ZNHIT6: variants seen among roughly 807,000 people sequenced by gnomAD.
ZNHIT6 encodes box C/D snoRNA protein 1.
In ZNHIT6, 45 loss-of-function variants were observed where a neutral mutation model predicts 57.2. The observed-to-expected ratio is 0.79, with a 90% CI of 0.62 to 1.01. The LOEUF is 1.01. ZNHIT6 is among the 50% of genes least tolerant of loss of function. ZNHIT6 has a pLI of 0.00. For synonymous variants in ZNHIT6, 188 were observed against 190.0 expected (o/e 0.99, Z 0.09); for missense variants, 528 against 567.3 (o/e 0.93, Z 0.70).
At chr1:85,702,679 T>C (rs1160482001) in intron 4 of ZNHIT6, among the ~76,000 whole-genome samples, 2 of 152,188 alleles carry the variant, frequency 1.3e-5, no homozygotes, top group Admixed American at 6.5e-5. Flanking sequence ...GTTAGCTGTA[T>C]ATATATATCA....
chr1:85,667,202 G>A (rs1475204799), intron 8 of ZNHIT6, among the ~76,000 whole-genome samples: 4 of 152,042 alleles, frequency 2.6e-5, no homozygotes, highest in Non-Finnish European at 5.9e-5. Context: ...AGCTGTAGAC[G>A]GGCTATCCAT....
intron 8 of ZNHIT6, among the ~76,000 whole-genome samples, chr1:85,669,058 G>T (rs190596390): frequency 6.6e-6 from 1 of 152,164 alleles, no homozygotes; most frequent in Admixed American, 6.5e-5. Flanking sequence ...AGAGTGGTTT[G>T]GAAATCAACA....
chr1:85,704,001 T>A (rs952324107), intron 4 of ZNHIT6, among the ~76,000 whole-genome samples: 1 of 152,142 alleles, frequency 6.6e-6, no homozygotes, highest in African/African-American at 2.4e-5. Context: ...GAAATCCAAA[T>A]GGCCAATAAA....
At chr1:85,678,260 C>T (rs1295826489) in intron 7 of ZNHIT6, among the ~76,000 whole-genome samples, 1 of 152,062 alleles carries the variant, frequency 6.6e-6, no homozygotes, top group African/African-American at 2.4e-5. Flanking sequence ...CTTTAAGTTA[C>T]TTGGAAACTT....
At chr1:85,661,328 G>A (rs1458087202) in intron 8 of ZNHIT6, among the ~76,000 whole-genome samples, 1 of 152,188 alleles carries the variant, frequency 6.6e-6, no homozygotes, top group African/African-American at 2.4e-5. Context: ...CAGTTTCCAT[G>A]CTTGAAAATG....
At chr1:85,686,535 C>CT (rs147751004) in intron 5 of ZNHIT6, among the ~76,000 whole-genome samples, 2 of 148,694 alleles carry the variant, frequency 1.3e-5, no homozygotes, top group Admixed American at 6.7e-5. Context: ...TATTTCTGTT[C>CT]TTTTTTTTTT....
chr1:85,676,072 C>G (rs1570303704), intron 8 of ZNHIT6, among the ~76,000 whole-genome samples: 1 of 152,192 alleles, frequency 6.6e-6, no homozygotes, highest in African/African-American at 2.4e-5. Context: ...CGCGGTGGCT[C>G]ACGCCTGTAA....
rs1660919365 is a variant in ZNHIT6, at chr1:85,651,828, A to G, written c.*2230T>C. 1 of 152,210 alleles carries G rather than the reference A, an allele frequency of 6.6e-6. No homozygotes were observed. The allele number at this position is 152,210 out of a possible 1,614,324, so 9.4% of individuals were successfully genotyped here. On this transcript the variant is annotated 3_prime_UTR_variant, in exon 10 of 10. Coordinates refer to ENST00000370574, the MANE Select transcript of ZNHIT6 (RefSeq NM_017953.4). Reference sequence around the variant, plus strand: ...GATATTGGGTCTCAATGCTACAAACATCTAGGGTTTTCAGTTAGTTATTCC... The same window carrying G: ...GATATTGGGTCTCAATGCTACAAACGTCTAGGGTTTTCAGTTAGTTATTCC...
At position 85,702,243 on chromosome 1, in the gene ZNHIT6, AT is replaced by A; in HGVS notation, c.932del (p.Asn311IlefsTer10). 6.2e-7 allele frequency: 1 copy of A among 1,603,236 alleles called. No individual in the cohort carries two copies. Among genetic ancestry groups the A allele is most frequent in the Admixed American group, 1.7e-5 (1 of 57,646 alleles). ...AGTTAATACCTTGCCTCCGGGCACG[AT>A]TTTTCATAAAGTACATCTAACAACA... ...ISNKYMYFMKNRARRQGINLK... is the reference protein window; with the variant it reads ...ISNKYMYFMKXRARRQGINLK... On this transcript the variant is annotated frameshift_variant, in exon 5 of 10. Transcript: ENST00000370574. LOFTEE classifies it high-confidence loss of function.
chr1:85,690,975 G>A (rs933831837), intron 5 of ZNHIT6, among the ~76,000 whole-genome samples: 3 of 152,096 alleles, frequency 2.0e-5, no homozygotes, highest in Non-Finnish European at 4.4e-5. Context: ...GCAGTGAGCC[G>A]AGATCGTGCC....
rs1557861008 is a variant in ZNHIT6 at position 85,687,295 on chromosome 1, AAAAC to A, written c.1020-6395_1020-6392del. On this transcript the variant is annotated intron_variant, in intron 5 of 9. Coordinates refer to ENST00000370574, the MANE Select transcript of ZNHIT6 (RefSeq NM_017953.4). ...GAAGACTATCTCAAAAAACAAAAAAAAAACAAAAAAAAAAAACAATTTAGAACCC... is the reference window on the plus strand; with the variant it reads ...GAAGACTATCTCAAAAAACAAAAAAAAAAAAAAAAAAACAATTTAGAACCC... Among the ~76,000 whole-genome samples, 67 of 133,020 alleles carry A rather than the reference AAAAC, an allele frequency of 5.0e-4. 9 individuals carry two copies. The highest frequency in any genetic ancestry group is 1.3e-3 in the African/African-American group (47 of 36,040). The allele number at this position is 133,020 out of a possible 152,430, so 87.3% of individuals were successfully genotyped here.
chr1:85,656,361 A>C (rs1661060882), intron 9 of ZNHIT6, among the ~76,000 whole-genome samples: 2 of 152,154 alleles, frequency 1.3e-5, no homozygotes, highest in South Asian at 4.1e-4. Flanking sequence ...TCATATATCC[A>C]CCAGAAAAAT....
chr1:85,678,576 C>A, intron 7 of ZNHIT6, 125 bp downstream of exon 7: 1 of 648,082 alleles, frequency 1.5e-6, no homozygotes, highest in South Asian at 2.0e-5. Context: ...CTTCAGTAAA[C>A]ACCAAGAAAA....
chr1:85,651,842 GTTAGTTATTCC>G lies in ZNHIT6; in HGVS notation c.*2205_*2215del, dbSNP rs2100637814. 1 of 152,260 alleles carries G rather than the reference GTTAGTTATTCC, an allele frequency of 6.6e-6. No individual in the cohort carries two copies. Among genetic ancestry groups the G allele is most frequent in the Admixed American group, 6.5e-5 (1 of 15,296 alleles). 9.4% of individuals were successfully genotyped at this position (152,260 alleles called of 1,614,324 possible). A position where few individuals can be genotyped will look rare whatever the true frequency, so the allele number is the denominator to read the frequency against. ...ATGCTACAAACATCTAGGGTTTTCA[GTTAGTTATTCC>G]AATTTCATTCTCTCCAAGCCATTGG... On this transcript the variant is annotated 3_prime_UTR_variant, in exon 10 of 10. Transcript: ENST00000370574.
intron 6 of ZNHIT6, among the ~76,000 whole-genome samples, chr1:85,680,301 A>G (rs144356430): frequency 3.3e-5 from 5 of 152,250 alleles, no homozygotes; most frequent in African/African-American, 4.8e-5. Context: ...ATGAGTACAC[A>G]TATATACTTC....
intron 5 of ZNHIT6, among the ~76,000 whole-genome samples, chr1:85,683,208 C>T (rs907576090): frequency 6.6e-6 from 1 of 151,416 alleles, no homozygotes; most frequent in African/African-American, 2.4e-5. Flanking sequence ...ACAATGAGAC[C>T]CTGTTTCAAA....
chr1:85,708,187 A>T lies in ZNHIT6; in HGVS notation c.98T>A (p.Val33Glu). Residue 33 changes from valine (V) to glutamate (E), a missense_variant, in exon 1 of 10, where the codon GTA (valine) becomes GAA (glutamate). Coordinates refer to ENST00000370574, the MANE Select transcript of ZNHIT6 (RefSeq NM_017953.4). ...RLSPEPGREG[V>E]RDLAGAEEFG... ...CTCCTCCGCCCCTGCTAAGTCCCTTACTCCCTCCCTGCCAGGCTCTGGACT... is the reference window on the plus strand; with the variant it reads ...CTCCTCCGCCCCTGCTAAGTCCCTTTCTCCCTCCCTGCCAGGCTCTGGACT... The T allele has an allele frequency of 6.2e-7, 1 of 1,612,698 alleles. No individual in the cohort carries two copies. The highest frequency in any genetic ancestry group is 8.5e-7 in the Non-Finnish European group (1 of 1,179,720).
intron 9 of ZNHIT6, among the ~76,000 whole-genome samples, chr1:85,657,612 G>A (rs1661096458): frequency 6.6e-6 from 1 of 151,948 alleles, no homozygotes. Flanking sequence ...TCCTTTTATA[G>A]CCATTCAATT....
intron 5 of ZNHIT6, among the ~76,000 whole-genome samples, chr1:85,685,066 C>T (rs1403552840): frequency 6.6e-6 from 1 of 152,154 alleles, no homozygotes; most frequent in Non-Finnish European, 1.5e-5. Context: ...AGTGTGGCAA[C>T]TTCATTGCTG....
Sources: gnomAD v4.1 joint callset for allele counts (sites outside exome capture counted in the v4.1 genomes callset) on GRCh38, gnomAD v4.1.1 for gene constraint, MANE v1.5 for transcripts, NCBI Gene and HGNC (gene_info 2026-07-23, HGNC 2026-07-21) for gene names.